GBP3: variants seen among roughly 807,000 people sequenced by gnomAD.
GBP3 encodes guanylate-binding protein 3.
Under a neutral mutation model 62.4 loss-of-function variants are expected in GBP3, and 55 were observed. The ratio of observed to expected loss-of-function variants is 0.88; its 90% CI spans 0.71 to 1.10. The LOEUF (loss-of-function observed/expected upper bound fraction) is 1.10. Ranked by LOEUF, GBP3 falls within the 50% of genes least tolerant of loss-of-function variation. The probability of loss-of-function intolerance (pLI) is 0.00; values close to 1 mark genes in which losing one functional copy is unlikely to be tolerated. For synonymous variants in GBP3, 208 were observed against 259.2 expected, an observed-to-expected ratio of 0.80 and a Z score of 1.90; for missense variants, 605 against 690.6, an observed-to-expected ratio of 0.88 and a Z score of 1.39.
chr1:89,009,743 T>C (rs531671546), intron 8 of GBP3, among the ~76,000 whole-genome samples: 21 of 152,268 alleles, frequency 1.4e-4, no homozygotes, highest in African/African-American at 4.6e-4. Context: ...CCTTTTCAAA[T>C]TGAGGGCTCT....
chr1:89,021,042 AATAGGAT>A (rs1679161625), intron 1 of GBP3, among the ~76,000 whole-genome samples: 1 of 152,182 alleles, frequency 6.6e-6, no homozygotes. Context: ...TGGAAGATAA[AATAGGAT>A]ATAGAGAATT....
intron 1 of GBP3, among the ~76,000 whole-genome samples, chr1:89,021,572 A>G (rs1261621234): frequency 6.6e-6 from 1 of 151,288 alleles, no homozygotes; most frequent in Non-Finnish European, 1.5e-5. Flanking sequence ...CAAACAAACA[A>G]CAGCAACAAC....
chr1:89,014,705 C>T, intron 3 of GBP3, 49 bp from the exon 4 acceptor site: 1 of 1,610,646 alleles, frequency 6.2e-7, no homozygotes, highest in East Asian at 2.2e-5. Context: ...ATCATCACAG[C>T]ACTTTCCAGA....
At chr1:89,020,832 T>G in intron 1 of GBP3, 89 bp from the exon 2 acceptor site, 1 of 1,131,476 alleles carries the variant, frequency 8.8e-7, no homozygotes. Flanking sequence ...TGGCCAAAAG[T>G]TTTGTGTGTG....
chr1:89,021,320 A>G (rs1679176872), intron 1 of GBP3, among the ~76,000 whole-genome samples: 1 of 152,176 alleles, frequency 6.6e-6, no homozygotes. Context: ...CAAATTCTAT[A>G]CAACTACATA....
intron 2 of GBP3, among the ~76,000 whole-genome samples, chr1:89,016,224 T>A (rs886269330): frequency 6.6e-6 from 1 of 152,134 alleles, no homozygotes; most frequent in African/African-American, 2.4e-5. Flanking sequence ...CAGAATAAAA[T>A]TGGCCAGGCA....
intron 1 of GBP3, among the ~76,000 whole-genome samples, chr1:89,022,052 CAAA>C (rs36032331): frequency 2.8e-5 from 4 of 140,654 alleles, no homozygotes; most frequent in Admixed American, 7.3e-5. Context: ...CTCTCTCTCT[CAAA>C]AAAAAAAAAG....
At chr1:89,017,349 T>G (rs1003218811) in intron 2 of GBP3, among the ~76,000 whole-genome samples, 2 of 149,770 alleles carry the variant, frequency 1.3e-5, no homozygotes, top group Non-Finnish European at 3.0e-5. Flanking sequence ...ACTGTTAGCT[T>G]ACACAATCCA....
Position 89,014,314 on chromosome 1 carries a change from A to G in GBP3, c.429-35T>C, listed in dbSNP as rs373199157. On this transcript the variant is annotated intron_variant, in intron 4 of 10. Transcript: ENST00000370481. ...TAACTAAGGAAATGTGACAAAATGA[A>G]CAGGAACCTCATCCCATATTAGTTC... 1,979 of 1,613,880 alleles carry G rather than the reference A, an allele frequency of 1.2e-3. 7 individuals are homozygous for G. The highest frequency in any genetic ancestry group is 2.7e-3 in the South Asian group (249 of 91,064).
At position 89,014,706 on chromosome 1, in the gene GBP3, A is replaced by G. The variant is rs765395868; in HGVS notation, c.319-50T>C. 7.4e-6 allele frequency: 12 copies of G among 1,610,742 alleles called. No individual in the cohort carries two copies. The South Asian group carries it at 1.2e-4, about 16-fold the overall frequency. On this transcript the variant is annotated intron_variant, in intron 3 of 10. Transcript: ENST00000370481. ...CAGGAGCAAGTTTCATCATCACAGC[A>G]CTTTCCAGAGTGACAGTAGTAAAAG...
Position 89,020,762 on chromosome 1 carries a change from A to G in GBP3, c.-22-19T>C, listed in dbSNP as rs748862719. ...CTCTTGTCTGCAAGGGAAGAGTTGG[A>G]ATGAATTAGAATTTCCAGTCTTTTG... On this transcript the variant is annotated intron_variant, in intron 1 of 10. Coordinates refer to ENST00000370481, the MANE Select transcript of GBP3 (RefSeq NM_018284.3). The G allele has an allele frequency of 6.3e-7, 1 of 1,587,102 alleles. No homozygotes were observed. Among genetic ancestry groups the G allele is most frequent in the South Asian group, 1.1e-5 (1 of 88,374 alleles).
Position 89,020,649 on chromosome 1 carries a change from G to C in GBP3, c.73C>G (p.Pro25Ala). Residue 25 changes from proline to alanine, a missense_variant, in exon 2 of 11, where the codon CCA (proline) becomes GCA (alanine). This residue lies in a region of GBP3 where 308 missense variants were observed against 318.0 expected (regional missense o/e 0.97). Transcript: ENST00000370481. ...ENTNGELVAN[P>A]EALKILSAIT... ...GCAGACAGGATTTTCAGAGCTTCTGGATTCGCCACCAGTTCCCCATTAGTG... is the reference window on the plus strand; with the variant it reads ...GCAGACAGGATTTTCAGAGCTTCTGCATTCGCCACCAGTTCCCCATTAGTG... 6.2e-7 allele frequency: 1 copy of C among 1,614,180 alleles called. No homozygotes were observed. The highest frequency in any genetic ancestry group is 2.2e-5 in the East Asian group (1 of 44,888).
Position 89,011,356 on chromosome 1 carries a change from G to T in GBP3, c.1150-240C>A, listed in dbSNP as rs115570217. Among the ~76,000 whole-genome samples the T allele has an allele frequency of 2.2e-3, 313 of 139,618 alleles. 24 individuals carry two copies. The highest frequency in any genetic ancestry group is 7.4e-3 in the African/African-American group (303 of 40,682). 91.6% of individuals were successfully genotyped at this position (139,618 alleles called of 152,430 possible). A position where few individuals can be genotyped will look rare whatever the true frequency, so the allele number is the denominator to read the frequency against. Reference sequence around the variant, plus strand: ...ATGTCAACTGTTAGAGGAAAGCTCTGCTTTTGCATATTGGACTAATGATTT... The same window carrying T: ...ATGTCAACTGTTAGAGGAAAGCTCTTCTTTTGCATATTGGACTAATGATTT... On this transcript the variant is annotated intron_variant, in intron 7 of 10. Transcript: ENST00000370481.
chr1:89,007,937 T>C, intron 10 of GBP3, 85 bp from the exon 11 acceptor site: 2 of 1,283,318 alleles, frequency 1.6e-6, no homozygotes, highest in Non-Finnish European at 2.1e-6. Flanking sequence ...CATTGATTTA[T>C]TTAGTACTTA....
intron 2 of GBP3, among the ~76,000 whole-genome samples, chr1:89,018,766 C>T (rs1679018691): frequency 6.6e-6 from 1 of 152,194 alleles, no homozygotes; most frequent in South Asian, 2.1e-4. Flanking sequence ...CCTTCCCCCA[C>T]CCTCACTAAA....
chr1:89,008,028 G>A (rs1678330658), intron 10 of GBP3, among the ~76,000 whole-genome samples, 176 bp from the exon 11 acceptor site: 1 of 151,750 alleles, frequency 6.6e-6, no homozygotes, highest in African/African-American at 2.4e-5. Context: ...TATTTCTCCT[G>A]GGTTTTCTAT....
rs1231855281 is a variant in GBP3, at chr1:89,011,904, G to T, written c.992C>A (p.Ala331Asp). The T allele has an allele frequency of 6.8e-7, 1 of 1,462,234 alleles. No homozygotes were observed. The highest frequency in any genetic ancestry group is 1.4e-5 in the African/African-American group (1 of 73,878). The allele number at this position is 1,462,234 out of a possible 1,614,324, so 90.6% of individuals were successfully genotyped here. ...CTGGCCCATCTGCTGGTCATAGTGGGCAATAGCCTTTTGCACTGCGGCTGA... is the reference window on the plus strand; with the variant it reads ...CTGGCCCATCTGCTGGTCATAGTGGTCAATAGCCTTTTGCACTGCGGCTGA... ...ENSAAVQKAI[A>D]HYDQQMGQKV... Residue 331 changes from alanine to aspartate, a missense_variant, in exon 7 of 11, where the codon GCC becomes GAC. By Grantham distance (126) the Ala-to-Asp change is moderately radical. This residue lies in a region of GBP3 where 137 missense variants were observed against 224.7 expected (regional missense o/e 0.61). Transcript: ENST00000370481.
rs1570899814 is a variant in GBP3 at position 89,015,422 on chromosome 1, G to T, written c.191-8C>A. 6.2e-7 allele frequency: 1 copy of T among 1,608,466 alleles called. No homozygotes were observed. The highest frequency in any genetic ancestry group is 2.2e-5 in the East Asian group (1 of 44,822). ...TGGAGCCCAGAGAGAAGCCTGTAAA[G>T]GAGAGATGGGATAAGAAGGGCTGGA... On this transcript the variant is annotated splice_region_variant and splice_polypyrimidine_tract_variant and intron_variant, in intron 2 of 10. Coordinates refer to ENST00000370481, the MANE Select transcript of GBP3 (RefSeq NM_018284.3).
Position 89,012,036 on chromosome 1 carries a change from A to G in GBP3, c.869-9T>C, listed in dbSNP as rs759776466. On this transcript the variant is annotated splice_polypyrimidine_tract_variant and intron_variant, in intron 6 of 10. Transcript: ENST00000370481. ...CACTAGGCTCTCTAGACCTACATACAAAGAAGAAATGATAATGTTTCTTGT... is the reference window on the plus strand; with the variant it reads ...CACTAGGCTCTCTAGACCTACATACGAAGAAGAAATGATAATGTTTCTTGT... The G allele has an allele frequency of 5.5e-6, 8 of 1,455,792 alleles. 2 individuals carry two copies. In the Admixed American group the frequency reaches 1.4e-4, roughly 26 times the overall value. 90.2% of individuals were successfully genotyped at this position (1,455,792 alleles called of 1,614,324 possible).
Sources: allele counts gnomAD v4.1 joint callset (sites outside exome capture counted in the v4.1 genomes callset), GRCh38; gene constraint gnomAD v4.1.1; regional missense constraint gnomAD v4.1.1; transcripts MANE v1.5; gene names NCBI Gene and HGNC (gene_info 2026-07-23, HGNC 2026-07-21).